INSYN2B: variants seen among roughly 807,000 people sequenced by gnomAD.
INSYN2B encodes the protein protein INSYN2B.
INSYN2B carries 16 observed loss-of-function variants against 41.2 expected under a neutral mutation model. That is an observed-to-expected ratio of 0.39 (90% CI 0.26 to 0.59). INSYN2B has a LOEUF of 0.59. INSYN2B is among the 20% of genes least tolerant of loss of function. INSYN2B has a pLI of 0.57. For missense variants in INSYN2B, 608 were observed against 646.4 expected, an observed-to-expected ratio of 0.94 and a Z score of 0.64; for synonymous variants, 245 against 244.4, an observed-to-expected ratio of 1.00 and a Z score of -0.02.
chr5:169,936,845 T>G (rs1443156960), intron 1 of INSYN2B, among the ~76,000 whole-genome samples: 1 of 152,138 alleles, frequency 6.6e-6, no homozygotes, highest in Non-Finnish European at 1.5e-5. Flanking sequence ...AAATAACAAT[T>G]TTGTCTCTTG....
At chr5:169,886,408 A>G (rs933061468) in intron 1 of INSYN2B, among the ~76,000 whole-genome samples, 2 of 152,204 alleles carry the variant, frequency 1.3e-5, no homozygotes, top group Admixed American at 1.3e-4. Context: ...TAGGACTTTT[A>G]GGTCTGGGAG....
At chr5:169,926,085 C>G (rs1775436096) in intron 1 of INSYN2B, among the ~76,000 whole-genome samples, 1 of 152,138 alleles carries the variant, frequency 6.6e-6, no homozygotes, top group Admixed American at 6.5e-5. Context: ...GAGAATTTCT[C>G]TCTTAGAGAC....
intron 1 of INSYN2B, among the ~76,000 whole-genome samples, chr5:169,972,622 A>AGAT (rs1395947040): frequency 8.0e-6 from 1 of 125,230 alleles, no homozygotes; most frequent in African/African-American, 2.9e-5. Context: ...ATAGATAGAT[A>AGAT]GATAGATGAT....
rs1471951345 is a variant in INSYN2B, at chr5:169,951,578, C to T, written c.-919+28699G>A. ...GGATCACACCCTGATCAGACCAGTGCACCCATTCATTCAACAGATAGTTAT... is the reference window on the plus strand; with the variant it reads ...GGATCACACCCTGATCAGACCAGTGTACCCATTCATTCAACAGATAGTTAT... On this transcript the variant is annotated intron_variant, in intron 1 of 3. Transcript: ENST00000377365. Among the ~76,000 whole-genome samples, 4 of 152,198 alleles carry T rather than the reference C, an allele frequency of 2.6e-5. No individual in the cohort carries two copies. In the East Asian group the frequency reaches 7.7e-4, roughly 29 times the overall value.
At chr5:169,962,765 G>T (rs1288700937) in intron 1 of INSYN2B, among the ~76,000 whole-genome samples, 1 of 152,202 alleles carries the variant, frequency 6.6e-6, no homozygotes, top group Non-Finnish European at 1.5e-5. Flanking sequence ...GGAGTTGAAA[G>T]GGGAAGAGAG....
At chr5:169,939,220 AC>A (rs964363539) in intron 1 of INSYN2B, among the ~76,000 whole-genome samples, 2 of 148,534 alleles carry the variant, frequency 1.3e-5, no homozygotes, top group African/African-American at 2.5e-5. Flanking sequence ...TTTTTTTTAA[AC>A]TTTTTAAGCT....
chr5:169,906,491 GTT>G (rs141825304), intron 1 of INSYN2B, among the ~76,000 whole-genome samples: 3,457 of 152,234 alleles, frequency 0.023, 116 homozygotes, highest in African/African-American at 0.075. Context: ...GTTACGTTAT[GTT>G]ATGTTATTTC....
chr5:169,878,055 T>C (rs1197723176), intron 3 of INSYN2B, among the ~76,000 whole-genome samples: 1 of 152,204 alleles, frequency 6.6e-6, no homozygotes, highest in African/African-American at 2.4e-5. Flanking sequence ...AGAAAAGAAA[T>C]GCGTGATCTC....
At chr5:169,925,807 A>G (rs889585198) in intron 1 of INSYN2B, among the ~76,000 whole-genome samples, 3 of 151,998 alleles carry the variant, frequency 2.0e-5, no homozygotes, top group African/African-American at 7.3e-5. Flanking sequence ...TCCTTCATAC[A>G]TATTATCTAT....
intron 3 of INSYN2B, among the ~76,000 whole-genome samples, chr5:169,867,695 A>G (rs1771677023): frequency 6.6e-6 from 1 of 152,078 alleles, no homozygotes; most frequent in Admixed American, 6.6e-5. Flanking sequence ...CCCCACACAC[A>G]TAGATCGCAC....
intron 1 of INSYN2B, among the ~76,000 whole-genome samples, chr5:169,926,892 T>A (rs1178874035): frequency 6.6e-6 from 1 of 152,104 alleles, no homozygotes; most frequent in African/African-American, 2.4e-5. Context: ...ACATGAAAAA[T>A]AATTGTAAAT....
rs183838095 is a variant in INSYN2B, at chr5:169,936,133, G to A, written c.-919+44144C>T. Among the ~76,000 whole-genome samples the A allele has an allele frequency of 6.4e-4, 97 of 152,280 alleles. 2 individuals are homozygous for A. The highest frequency in any genetic ancestry group is 2.4e-4 in the Non-Finnish European group (16 of 68,026). On this transcript the variant is annotated intron_variant, in intron 1 of 3. Transcript: ENST00000377365. The stretch of plus-strand genomic sequence containing the variant: ...GAAAATGTAACAAAACCACCTGTCT[G>A]CCCTTGAGGAGATGGAGAACAAAAT...
Position 169,864,184 on chromosome 5 carries a change from A to G in INSYN2B, c.*89T>C, listed in dbSNP as rs261028. On this transcript the variant is annotated 3_prime_UTR_variant, in exon 4 of 4. Coordinates refer to ENST00000377365, the MANE Select transcript of INSYN2B (RefSeq NM_001129891.3). The stretch of plus-strand genomic sequence containing the variant: ...GGGGCTCACAGCCCAGGGCCTTTGC[A>G]AAGAAGCAGGGCAGGCCTTAAGTGC... 163,837 of 1,216,486 alleles carry G rather than the reference A, an allele frequency of 0.13. 14,940 individuals carry two copies. Among genetic ancestry groups the G allele is most frequent in the African/African-American group, 0.44 (29,299 of 66,708 alleles). The allele number at this position is 1,216,486 out of a possible 1,614,324, so 75.4% of individuals were successfully genotyped here. A position where few individuals can be genotyped will look rare whatever the true frequency, so the allele number is the denominator to read the frequency against.
At chr5:169,951,371 C>T (rs1230216002) in intron 1 of INSYN2B, among the ~76,000 whole-genome samples, 1 of 152,166 alleles carries the variant, frequency 6.6e-6, no homozygotes, top group African/African-American at 2.4e-5. Context: ...TTCCAAATAA[C>T]ACAACACATG....
At chr5:169,880,509 C>T (rs182458621) in intron 3 of INSYN2B, among the ~76,000 whole-genome samples, 4 of 152,314 alleles carry the variant, frequency 2.6e-5, no homozygotes, top group Admixed American at 1.3e-4. Context: ...AATTAGATGT[C>T]GTCAACGGAA....
At position 169,863,374 on chromosome 5, in the gene INSYN2B, A is replaced by G. The variant is rs369639535; in HGVS notation, c.*899T>C. Among the ~76,000 whole-genome samples, 26 of 152,302 alleles carry G rather than the reference A, an allele frequency of 1.7e-4. No homozygotes were observed. The East Asian group carries it at 2.3e-3, about 14-fold the overall frequency. On this transcript the variant is annotated 3_prime_UTR_variant, in exon 4 of 4. Transcript: ENST00000377365. ...GTTTTATCTTAGCCTTATCTATGTT[A>G]CTCATAAGATGTAACTGATGGACAG... is the stretch of plus-strand genomic sequence containing the variant.
At chr5:169,969,463 A>G (rs1266651622) in intron 1 of INSYN2B, among the ~76,000 whole-genome samples, 1 of 152,186 alleles carries the variant, frequency 6.6e-6, no homozygotes, top group African/African-American at 2.4e-5. Context: ...AAGAAAAAAG[A>G]AAAAAATGAA....
chr5:169,886,674 A>G (rs1772989217), intron 1 of INSYN2B, among the ~76,000 whole-genome samples: 1 of 152,254 alleles, frequency 6.6e-6, no homozygotes, highest in African/African-American at 2.4e-5. Context: ...TAAGCAGTTG[A>G]AATTTGTGAG....
chr5:169,910,272 G>A (rs554016686), intron 1 of INSYN2B, among the ~76,000 whole-genome samples: 4 of 152,260 alleles, frequency 2.6e-5, no homozygotes, highest in South Asian at 4.2e-4. Flanking sequence ...ACAGGACATT[G>A]TTCCAAGCCG....
Sources: allele counts gnomAD v4.1 joint callset (sites outside exome capture counted in the v4.1 genomes callset), GRCh38; gene constraint gnomAD v4.1.1; transcripts MANE v1.5; gene names NCBI Gene and HGNC (gene_info 2026-07-23, HGNC 2026-07-21).